ZMYND11: variants seen among roughly 807,000 people sequenced by gnomAD.
The protein encoded by ZMYND11 is zinc finger MYND domain-containing protein 11.
A neutral mutation model predicts 84.9 loss-of-function variants in ZMYND11; 9 were observed. That is an observed-to-expected ratio of 0.11 (90% CI 0.06 to 0.18). The LOEUF is 0.18. Among genes scored for constraint, ZMYND11 ranks in the 10% least tolerant of loss-of-function variants. The pLI is 1.00. For synonymous variants in ZMYND11, 250 were observed against 244.1 expected (o/e 1.02, Z -0.23); for missense variants, 409 against 761.0 (o/e 0.54, Z 5.44).
At chr10:241,007 G>C (rs1240264549) in intron 9 of ZMYND11, 37 bp downstream of exon 9, 6 of 1,476,638 alleles carry the variant, frequency 4.1e-6, no homozygotes, top group Non-Finnish European at 5.6e-6. Context: ...GTAACATACA[G>C]CTCTAAGGAA....
chr10:248,403 A>G lies in ZMYND11; in HGVS notation c.1295A>G (p.Glu432Gly). ...QEIPTMPQPI[E>G]KVSVSTQTKK... Reference sequence around the variant, plus strand: ...ATACCCACGATGCCTCAGCCCATCGAAAAAGTCTCCGTGTCAACTCAGACA... The same window carrying G: ...ATACCCACGATGCCTCAGCCCATCGGAAAAGTCTCCGTGTCAACTCAGACA... The change falls in exon 13 of 15, where the codon GAA becomes GGA. Residue 432 changes from glutamate to glycine, a missense_variant. Physicochemically the swap from Glu to Gly is moderately conservative, Grantham distance 98. This residue lies in a region of ZMYND11 where 141 missense variants were observed against 173.8 expected (regional missense o/e 0.81). Coordinates refer to ENST00000381604, the MANE Select transcript of ZMYND11 (RefSeq NM_001370100.5). 1 of 1,614,216 alleles carries G rather than the reference A, an allele frequency of 6.2e-7. No individual in the cohort carries two copies. The highest frequency in any genetic ancestry group is 8.5e-7 in the Non-Finnish European group (1 of 1,180,026).
intron 1 of ZMYND11, among the ~76,000 whole-genome samples, chr10:143,010 A>G (rs1837846190): frequency 6.6e-6 from 1 of 152,208 alleles, no homozygotes; most frequent in Non-Finnish European, 1.5e-5. Flanking sequence ...TTGTTTGAAA[A>G]TATTTGGAAT....
intron 1 of ZMYND11, among the ~76,000 whole-genome samples, chr10:163,992 C>T (rs1346592457): frequency 6.6e-6 from 1 of 152,116 alleles, no homozygotes; most frequent in African/African-American, 2.4e-5. Flanking sequence ...AGCCTGAGAT[C>T]TGGAATTTGG....
chr10:234,040 A>G (rs893402551), intron 4 of ZMYND11, among the ~76,000 whole-genome samples: 6 of 152,252 alleles, frequency 3.9e-5, no homozygotes, highest in Non-Finnish European at 7.3e-5. Context: ...TGTTACCTAA[A>G]CTTCCGTAGT....
intron 1 of ZMYND11, among the ~76,000 whole-genome samples, chr10:162,219 T>C (rs943876381): frequency 4.6e-5 from 7 of 151,978 alleles, no homozygotes; most frequent in Non-Finnish European, 8.8e-5. Context: ...ACAACATTTA[T>C]TGATTAAGTT....
intron 9 of ZMYND11, 101 bp downstream of exon 9, chr10:241,071 A>G: frequency 1.2e-6 from 1 of 864,466 alleles, no homozygotes; most frequent in South Asian, 1.7e-5. Context: ...TTTTTAAAAT[A>G]TCATAGTATA....
At chr10:219,447 C>A (rs1375509881) in intron 3 of ZMYND11, among the ~76,000 whole-genome samples, 1 of 152,080 alleles carries the variant, frequency 6.6e-6, no homozygotes, top group African/African-American at 2.4e-5. Context: ...AAGAAAATAT[C>A]CTGAAATATT....
chr10:156,355 C>G (rs556178031), intron 1 of ZMYND11, among the ~76,000 whole-genome samples: 1 of 152,202 alleles, frequency 6.6e-6, no homozygotes, highest in African/African-American at 2.4e-5. Context: ...ATGGGCATTT[C>G]AAATAAACGT....
chr10:236,276 G>C (rs571550994), intron 4 of ZMYND11, among the ~76,000 whole-genome samples: 5 of 152,084 alleles, frequency 3.3e-5, no homozygotes, highest in South Asian at 2.1e-4. Context: ...GACTTTTTTG[G>C]TGCAATAAAT....
At chr10:241,908 T>TGAAA in intron 9 of ZMYND11, 113 bp from the exon 10 acceptor site, 1 of 1,328,246 alleles carries the variant, frequency 7.5e-7, no homozygotes, top group Non-Finnish European at 1.0e-6. Flanking sequence ...TTAGGAGTTA[T>TGAAA]GAAAGAAATA....
intron 2 of ZMYND11, among the ~76,000 whole-genome samples, chr10:199,244 C>G (rs190191986): frequency 6.6e-6 from 1 of 150,794 alleles, no homozygotes; most frequent in Non-Finnish European, 1.5e-5. Context: ...TCTCCCTTCC[C>G]CCCTCGCTCG....
intron 2 of ZMYND11, among the ~76,000 whole-genome samples, chr10:187,598 C>A: frequency 6.7e-6 from 1 of 148,736 alleles, no homozygotes; most frequent in African/African-American, 2.5e-5. Context: ...TGCGCCACTG[C>A]AATCCGGCCT....
chr10:230,405 G>A (rs776813384), intron 4 of ZMYND11, among the ~76,000 whole-genome samples: 1 of 144,090 alleles, frequency 6.9e-6, no homozygotes, highest in South Asian at 2.3e-4. Flanking sequence ...CCCTGGATGC[G>A]GAGGTTGTAG....
At chr10:143,038 T>C (rs189937637) in intron 1 of ZMYND11, among the ~76,000 whole-genome samples, 1 of 152,338 alleles carries the variant, frequency 6.6e-6, no homozygotes, top group Admixed American at 6.5e-5. Flanking sequence ...AACACTAAAG[T>C]ATTCTTGCTG....
rs74406547 is a variant in ZMYND11, at chr10:182,706, G to T, written c.116+2578G>T. ...GACAGCTCCAAGAAAGAACTGTCTA[G>T]AAAATTGCCTAACCCGGCCAGTGCC... On this transcript the variant is annotated intron_variant, in intron 2 of 14. Transcript: ENST00000381604. Among the ~76,000 whole-genome samples, 837 of 152,296 alleles carry T rather than the reference G, an allele frequency of 5.5e-3. 9 individuals are homozygous for T. Among genetic ancestry groups the T allele is most frequent in the Admixed American group, 0.014 (212 of 15,302 alleles).
rs1488690901 is a variant in ZMYND11 at position 250,690 on chromosome 10, AG to A, written c.1686+1603del. The stretch of plus-strand genomic sequence containing the variant: ...GATTAAATAGAATGATTAAAAACCT[AG>A]TTGGCAGAGCTGAGCTTTTTGTGCT... On this transcript the variant is annotated intron_variant, in intron 14 of 14. Transcript: ENST00000381604. Among the ~76,000 whole-genome samples the A allele has an allele frequency of 6.8e-4, 104 of 152,304 alleles. 2 individuals are homozygous for A. Among genetic ancestry groups the A allele is most frequent in the Middle Eastern group, 6.8e-3 (2 of 294 alleles).
At chr10:198,387 T>A (rs1234478883) in intron 2 of ZMYND11, among the ~76,000 whole-genome samples, 1 of 152,106 alleles carries the variant, frequency 6.6e-6, no homozygotes, top group African/African-American at 2.4e-5. Context: ...AGAACATTTT[T>A]AAAAAAAAAG....
chr10:241,471 C>T (rs1317563254), intron 9 of ZMYND11, among the ~76,000 whole-genome samples: 1 of 152,256 alleles, frequency 6.6e-6, no homozygotes, highest in Non-Finnish European at 1.5e-5. Context: ...AGCCACCACA[C>T]CCAGCGTCTG....
chr10:236,865 C>G lies in ZMYND11; in HGVS notation c.466C>G (p.Gln156Glu). The G allele has an allele frequency of 6.2e-7, 1 of 1,612,194 alleles. No homozygotes were observed. The highest frequency in any genetic ancestry group is 8.5e-7 in the Non-Finnish European group (1 of 1,179,358). Residue 156 changes from glutamine to glutamate, a missense_variant, in exon 5 of 15, where the codon CAG (glutamine) becomes GAG (glutamate). Around this residue, in one of 7 missense-constraint regions of ZMYND11, gnomAD observed 53 missense variants for 71.1 expected, o/e 0.75. Transcript: ENST00000381604. ...CATTAAGAAGAAGAATACAAACAAA[C>G]AGGAGATGGGCACATACCTCAGATT... The part of the protein sequence containing the change: ...RSIKKKNTNK[Q>E]EMGTYLRFIV...
Sources: allele counts gnomAD v4.1 joint callset (sites outside exome capture counted in the v4.1 genomes callset), GRCh38; gene constraint gnomAD v4.1.1; regional missense constraint gnomAD v4.1.1; transcripts MANE v1.5; gene names NCBI Gene and HGNC (gene_info 2026-07-23, HGNC 2026-07-21).